The following TACR1 variants were observed in gnomAD, a reference collection of about 807,000 sequenced individuals.
TACR1 encodes substance-P receptor.
In TACR1, 25 loss-of-function variants were observed where a neutral mutation model predicts 35.8. The observed-to-expected ratio is 0.70, with a 90% CI of 0.51 to 0.98. The LOEUF (loss-of-function observed/expected upper bound fraction) is 0.98. TACR1 is among the 50% of genes least tolerant of loss of function. TACR1 has a pLI of 0.00. For synonymous variants in TACR1, 195 were observed against 206.7 expected (o/e 0.94, Z 0.48); for missense variants, 478 against 522.9 (o/e 0.91, Z 0.84).
chr2:75,153,884 A>G (rs1029769726), intron 1 of TACR1, among the ~76,000 whole-genome samples: 4 of 151,098 alleles, frequency 2.6e-5, no homozygotes, highest in Admixed American at 2.0e-4. Flanking sequence ...TATTCTAATC[A>G]GATTCATTAA....
At position 75,104,054 on chromosome 2, in the gene TACR1, A is replaced by G. The variant is rs528828384; in HGVS notation, c.584+16520T>C. Among the ~76,000 whole-genome samples the G allele has an allele frequency of 2.0e-5, 3 of 152,220 alleles. No individual in the cohort carries two copies. In the South Asian group the frequency reaches 6.2e-4, roughly 32 times the overall value. ...GACCAAATGGCAGTAGTATGTACCT[A>G]TCCATAATTACCTTGAAAACAGAAA... On this transcript the variant is annotated intron_variant, in intron 2 of 4. Coordinates refer to ENST00000305249, the MANE Select transcript of TACR1 (RefSeq NM_001058.4).
At chr2:75,143,544 A>T (rs140071211) in intron 1 of TACR1, among the ~76,000 whole-genome samples, 355 of 152,346 alleles carry the variant, frequency 2.3e-3, no homozygotes, top group African/African-American at 8.2e-3. Flanking sequence ...TCTATTAGCT[A>T]ATTGAGTTTT....
intron 2 of TACR1, among the ~76,000 whole-genome samples, chr2:75,075,536 C>T (rs1322222523): frequency 2.0e-5 from 3 of 151,986 alleles, no homozygotes; most frequent in African/African-American, 7.2e-5. Flanking sequence ...TATTATGTCC[C>T]ATACTTACAT....
chr2:75,069,964 AC>A (rs201538550), intron 2 of TACR1, among the ~76,000 whole-genome samples: 36,758 of 151,564 alleles, frequency 0.24, 5,709 homozygotes, highest in African/African-American at 0.41. Context: ...GCCCACATTC[AC>A]AGGATGAGGA....
intron 1 of TACR1, among the ~76,000 whole-genome samples, chr2:75,165,395 G>T (rs1209571208): frequency 4.0e-5 from 6 of 151,862 alleles, no homozygotes; most frequent in African/African-American, 9.7e-5. Flanking sequence ...CTGCAAGCTC[G>T]CCTCCAGGGT....
intron 2 of TACR1, among the ~76,000 whole-genome samples, chr2:75,086,955 TA>T (rs1285836335): frequency 6.6e-6 from 1 of 152,160 alleles, no homozygotes; most frequent in East Asian, 1.9e-4. Flanking sequence ...CATCACTGTT[TA>T]GACCCATCTT....
chr2:75,156,698 A>G (rs1674868201), intron 1 of TACR1, among the ~76,000 whole-genome samples: 1 of 151,976 alleles, frequency 6.6e-6, no homozygotes, highest in Non-Finnish European at 1.5e-5. Flanking sequence ...TGGTCTACAT[A>G]ACAGTGAGAA....
In TACR1 at chr2:75,122,251, G is replaced by A. The variant is rs561386990; in HGVS notation, c.390-1483C>T. The stretch of plus-strand genomic sequence containing the variant: ...GTGGTCTACTGGAGGGGCTTCGACA[G>A]GTGTGCTGGATTTGGGGTGAGTCTG... On this transcript the variant is annotated intron_variant, in intron 1 of 4. Transcript: ENST00000305249. Among the ~76,000 whole-genome samples, 743 of 152,326 alleles carry A rather than the reference G, an allele frequency of 4.9e-3. 2 individuals are homozygous for A. Among genetic ancestry groups the A allele is most frequent in the Non-Finnish European group, 7.6e-3 (519 of 68,030 alleles).
At chr2:75,097,295 T>C (rs3755462) in intron 2 of TACR1, among the ~76,000 whole-genome samples, 107,157 of 151,962 alleles carry the variant, frequency 0.71, 38,212 homozygotes, top group African/African-American at 0.8. Flanking sequence ...TGTTCTACAA[T>C]GAAGGAACTA....
At position 75,096,144 on chromosome 2, in the gene TACR1, G is replaced by C. The variant is rs539133954; in HGVS notation, c.584+24430C>G. On this transcript the variant is annotated intron_variant, in intron 2 of 4. Transcript: ENST00000305249. ...ATCAGATTCTGCAGTGCTCTTTTGGGCACTGGGGAGAGCAGTTGATTGTAA... is the reference window on the plus strand; with the variant it reads ...ATCAGATTCTGCAGTGCTCTTTTGGCCACTGGGGAGAGCAGTTGATTGTAA... Among the ~76,000 whole-genome samples the C allele has an allele frequency of 2.6e-5, 4 of 152,298 alleles. No individual in the cohort carries two copies. The East Asian group carries it at 7.7e-4, about 29-fold the overall frequency.
chr2:75,065,191 C>T (rs1352858691), intron 2 of TACR1, among the ~76,000 whole-genome samples: 1 of 152,238 alleles, frequency 6.6e-6, no homozygotes, highest in East Asian at 1.9e-4. Flanking sequence ...AGTAACCTAG[C>T]AAGAAAGCAG....
chr2:75,191,769 G>A (rs182082611), intron 1 of TACR1, among the ~76,000 whole-genome samples: 2 of 152,234 alleles, frequency 1.3e-5, no homozygotes, highest in Admixed American at 6.5e-5. Context: ...TTGAGGCATC[G>A]GGTCTGGTTT....
At chr2:75,075,417 G>A (rs1418039974) in intron 2 of TACR1, among the ~76,000 whole-genome samples, 1 of 152,190 alleles carries the variant, frequency 6.6e-6, no homozygotes, top group Non-Finnish European at 1.5e-5. Context: ...ATATGTCGGA[G>A]AGAAGCTCTT....
At chr2:75,189,742 G>C (rs941916517) in intron 1 of TACR1, 1 of 152,182 alleles carries the variant, frequency 6.6e-6, no homozygotes, top group Non-Finnish European at 1.5e-5. Flanking sequence ...TCCTGAGAAA[G>C]ATTTTGTTTC....
chr2:75,096,224 T>A (rs1441219093), intron 2 of TACR1, among the ~76,000 whole-genome samples: 1 of 152,200 alleles, frequency 6.6e-6, no homozygotes, highest in Admixed American at 6.5e-5. Context: ...CCTGTGCTGC[T>A]CTTTGAACAT....
intron 1 of TACR1, among the ~76,000 whole-genome samples, chr2:75,125,902 C>T (rs1674061842): frequency 6.6e-6 from 1 of 152,144 alleles, no homozygotes; most frequent in Non-Finnish European, 1.5e-5. Context: ...GGGAACTGTG[C>T]AGGATTCAGT....
chr2:75,102,429 A>G (rs1221871804), intron 2 of TACR1, among the ~76,000 whole-genome samples: 2 of 152,346 alleles, frequency 1.3e-5, no homozygotes, highest in African/African-American at 4.8e-5. Context: ...ATTTGAAGCC[A>G]AAGGTTCTAA....
intron 1 of TACR1, among the ~76,000 whole-genome samples, chr2:75,176,292 AT>A (rs888816276): frequency 1.3e-5 from 2 of 151,024 alleles, no homozygotes; most frequent in African/African-American, 4.9e-5. Flanking sequence ...ATATCTATAA[AT>A]TTTTTTCATT....
chr2:75,181,384 G>A (rs1675555203), intron 1 of TACR1, among the ~76,000 whole-genome samples: 1 of 150,134 alleles, frequency 6.7e-6, no homozygotes, highest in South Asian at 2.1e-4. Flanking sequence ...TCATTAAGGG[G>A]AAAAAAAAAT....
Sources: allele counts gnomAD v4.1 joint callset (sites outside exome capture counted in the v4.1 genomes callset), GRCh38; gene constraint gnomAD v4.1.1; transcripts MANE v1.5; gene names NCBI Gene and HGNC (gene_info 2026-07-23, HGNC 2026-07-21).